The following NPEPL1 variants were observed in gnomAD, a reference collection of about 807,000 sequenced individuals.
NPEPL1 encodes the protein aminopeptidase like 1, also known as probable aminopeptidase NPEPL1.
NPEPL1 carries 45 observed loss-of-function variants against 52.4 expected under a neutral mutation model. The ratio of observed to expected loss-of-function variants is 0.86; its 90% CI spans 0.68 to 1.10. The LOEUF (loss-of-function observed/expected upper bound fraction) is 1.10. Ranked by LOEUF, NPEPL1 falls within the 50% of genes least tolerant of loss-of-function variation. The pLI, the probability that NPEPL1 is intolerant of heterozygous loss-of-function variation, is 0.00. For missense variants in NPEPL1, 696 were observed against 710.9 expected (o/e 0.98, Z 0.24); for synonymous variants, 360 against 314.7 (o/e 1.14, Z -1.52).
chr20:58,712,359 G>A, intron 7 of NPEPL1, 120 bp from the exon 8 acceptor site: 2 of 686,892 alleles, frequency 2.9e-6, no homozygotes, highest in South Asian at 3.4e-5. Flanking sequence ...TTTGGTCCCT[G>A]CAACTTGGAG....
At chr20:58,714,255 TC>T (rs11326379) in intron 10 of NPEPL1, 162 bp downstream of exon 10, 338,958 of 723,520 alleles carry the variant, frequency 0.47, 81,871 homozygotes, top group African/African-American at 0.54. Context: ...ACAGGAGTCA[TC>T]CCAGACAGCG....
chr20:58,694,374 C>T (rs548016545), intron 2 of NPEPL1, 48 bp from the exon 3 acceptor site: 3 of 1,545,138 alleles, frequency 1.9e-6, no homozygotes, highest in Admixed American at 1.9e-5. Flanking sequence ...CCTGCACTCC[C>T]TGGTGGCGGC....
intron 3 of NPEPL1, among the ~76,000 whole-genome samples, chr20:58,695,040 CTGTGTATGTTT>C (rs2084440862): frequency 1.9e-4 from 1 of 5,384 alleles, no homozygotes. Flanking sequence ...GTATGTGTTG[CTGTGTATGTTT>C]GCTGGTGTGT....
chr20:58,701,697 GTC>G (rs577239507), intron 6 of NPEPL1, among the ~76,000 whole-genome samples: 331 of 152,264 alleles, frequency 2.2e-3, no homozygotes, highest in African/African-American at 7.6e-3. Context: ...GGACGCCTGT[GTC>G]TCTGAGTCTG....
upstream of NPEPL1, chr20:58,691,693 CTTTTTTTTT>C (rs11471424): frequency 6.0e-5 from 34 of 563,946 alleles, no homozygotes; most frequent in African/African-American, 9.4e-5. Flanking sequence ...TTTTTCTTTT[CTTTTTTTTT>C]TTTTTTTTTT....
At chr20:58,714,407 G>GC (rs1166363932) in intron 10 of NPEPL1, 153 bp from the exon 11 acceptor site, 3 of 624,114 alleles carry the variant, frequency 4.8e-6, no homozygotes, top group Non-Finnish European at 5.5e-6. Context: ...CATGGTCAAG[G>GC]CCCTCCCAGC....
intron 1 of NPEPL1, chr20:58,693,267 G>A (rs2084392328): frequency 5.0e-6 from 1 of 198,134 alleles, no homozygotes; most frequent in South Asian, 1.7e-4. Context: ...TGGTCCTCCT[G>A]TCAGCCCAGC....
rs764027937 is a variant in NPEPL1 at position 58,698,726 on chromosome 20, A to G, written c.550A>G (p.Ile184Val). 6.2e-7 allele frequency: 1 copy of G among 1,612,880 alleles called. No individual in the cohort carries two copies. Among genetic ancestry groups the G allele is most frequent in the East Asian group, 2.2e-5 (1 of 44,880 alleles). Residue 184 changes from isoleucine (I) to valine (V), a missense_variant, in exon 4 of 12, where the codon ATC (isoleucine) becomes GTC (valine). Coordinates refer to ENST00000356091, the MANE Select transcript of NPEPL1 (RefSeq NM_024663.4). Reference sequence around the variant, plus strand: ...AGACGGCGTGCGGCTAGCAGCCCGCATCGTGGACACACCCTGCAATGAGAT... The same window carrying G: ...AGACGGCGTGCGGCTAGCAGCCCGCGTCGTGGACACACCCTGCAATGAGAT... ...ATDGVRLAAR[I>V]VDTPCNEMNT...
At chr20:58,691,108 G>T, upstream of NPEPL1, 1 of 703,042 alleles carries the variant, frequency 1.4e-6, no homozygotes, top group Non-Finnish European at 2.6e-6. Flanking sequence ...GTCAGGGCAT[G>T]GCCTTAGTCT....
chr20:58,701,259 G>GGGTGGGGAGGGGAAGGTGA (rs2084612941), intron 6 of NPEPL1, 101 bp downstream of exon 6: 1 of 199,058 alleles, frequency 5.0e-6, no homozygotes, highest in Non-Finnish European at 8.7e-6. Context: ...GGGTGGGGTG[G>GGGTGGGGAGGGGAAGGTGA]GGTGGGGAGG....
At chr20:58,705,476 T>G (rs1204280731) in intron 6 of NPEPL1, 2 of 456,152 alleles carry the variant, frequency 4.4e-6, no homozygotes, top group African/African-American at 4.0e-5. Context: ...AACGTGAAAT[T>G]GGCATTGGTT....
intron 7 of NPEPL1, among the ~76,000 whole-genome samples, chr20:58,707,697 G>C (rs1366196112): frequency 6.9e-6 from 1 of 145,928 alleles, no homozygotes; most frequent in African/African-American, 2.5e-5. Context: ...CTCAGTGGCA[G>C]TAGTCACTCG....
At position 58,699,238 on chromosome 20, in the gene NPEPL1, C is replaced by T; in HGVS notation, c.639C>T (p.Thr213=). ...KVGKELGIIP[T]IIRDEELKTR... ...GAAAGGAGCTGGGGATCATCCCAAC[C>T]ATCATCCGGGATGAGGAACTGAAGA... The change falls in exon 5 of 12, where the codon ACC becomes ACT. Residue 213 remains threonine, a synonymous_variant. Transcript: ENST00000356091. 2 of 1,606,636 alleles carry T rather than the reference C, an allele frequency of 1.2e-6. No individual in the cohort carries two copies. Among genetic ancestry groups the T allele is most frequent in the Non-Finnish European group, 1.7e-6 (2 of 1,176,616 alleles).
chr20:58,700,113 G>T (rs1397045144), intron 5 of NPEPL1, among the ~76,000 whole-genome samples: 1 of 152,212 alleles, frequency 6.6e-6, no homozygotes, highest in Non-Finnish European at 1.5e-5. Context: ...TGCTGTTTGA[G>T]CCACCCTCCG....
At chr20:58,702,792 T>C (rs1339884741) in intron 6 of NPEPL1, among the ~76,000 whole-genome samples, 1 of 152,242 alleles carries the variant, frequency 6.6e-6, no homozygotes, top group East Asian at 1.9e-4. Context: ...GATACACAGA[T>C]ACTTAGGAAA....
At chr20:58,703,489 C>G in intron 6 of NPEPL1, 1 of 984,876 alleles carries the variant, frequency 1.0e-6, no homozygotes, top group South Asian at 4.7e-5. Flanking sequence ...TCAATACCCA[C>G]GGTCACCCTG....
At chr20:58,707,724 T>A in intron 7 of NPEPL1, among the ~76,000 whole-genome samples, 4 of 95,102 alleles carry the variant, frequency 4.2e-5, no homozygotes, top group East Asian at 3.3e-4. Flanking sequence ...GTGGGGGGGG[T>A]GGGGGGTGAC....
chr20:58,700,300 TGA>T (rs1272404460), intron 5 of NPEPL1, among the ~76,000 whole-genome samples: 14 of 152,164 alleles, frequency 9.2e-5, no homozygotes, highest in Non-Finnish European at 1.8e-4. Context: ...CACAAGGACA[TGA>T]ATACCCAGAC....
chr20:58,708,884 T>C (rs904190487), intron 7 of NPEPL1, among the ~76,000 whole-genome samples: 3 of 151,816 alleles, frequency 2.0e-5, no homozygotes, highest in Non-Finnish European at 4.4e-5. Context: ...GGCAAGTGGT[T>C]CTGGAGGAGC....
Sources: gnomAD v4.1 joint callset for allele counts (sites outside exome capture counted in the v4.1 genomes callset) on GRCh38, gnomAD v4.1.1 for gene constraint, MANE v1.5 for transcripts, NCBI Gene and HGNC (gene_info 2026-07-23, HGNC 2026-07-21) for gene names.